MOSMO: variants seen among roughly 807,000 people sequenced by gnomAD.
MOSMO encodes the protein modulator of smoothened protein.
In MOSMO, 5 loss-of-function variants were observed where a neutral mutation model predicts 18.4. The ratio of observed to expected loss-of-function variants is 0.27; its 90% CI spans 0.14 to 0.57. The LOEUF (loss-of-function observed/expected upper bound fraction) is 0.57. Among genes scored for constraint, MOSMO ranks in the 20% least tolerant of loss-of-function variants. MOSMO has a pLI of 0.92. For missense variants in MOSMO, 138 were observed against 211.8 expected (o/e 0.65, Z 2.16); for synonymous variants, 82 against 82.3 (o/e 1.00, Z 0.02).
chr16:22,081,061 A>T lies in MOSMO; in HGVS notation c.*181A>T, dbSNP rs1263815264. 5 of 258,980 alleles carry T rather than the reference A, an allele frequency of 1.9e-5. No individual in the cohort carries two copies. The highest frequency in any genetic ancestry group is 6.1e-5 in the East Asian group (1 of 16,412). The allele number at this position is 258,980 out of a possible 1,614,324, so 16.0% of individuals were successfully genotyped here. On this transcript the variant is annotated 3_prime_UTR_variant, in exon 3 of 3. Transcript: ENST00000542527. ...GGTTTGTTCTCACTATGCACTTTGG[A>T]TTTAAAAAAAAAAAAAAAAAGGAGA...
intron 1 of MOSMO, among the ~76,000 whole-genome samples, chr16:22,028,960 C>T (rs906453281): frequency 3.3e-5 from 5 of 152,244 alleles, no homozygotes; most frequent in Admixed American, 1.3e-4. Context: ...CAACCTCCAC[C>T]TCCCAGGTTC....
chr16:22,038,356 T>A (rs2142000845), intron 1 of MOSMO, among the ~76,000 whole-genome samples: 2 of 152,230 alleles, frequency 1.3e-5, no homozygotes, highest in East Asian at 3.9e-4. Flanking sequence ...GTGCAAGGGA[T>A]AGTGAGGTTA....
intron 1 of MOSMO, among the ~76,000 whole-genome samples, chr16:22,008,745 T>A (rs1597990678): frequency 7.6e-6 from 1 of 132,162 alleles, no homozygotes. Context: ...CGTTCTGGAT[T>A]AAAAAAAAAA....
chr16:22,044,400 AATTT>A (rs1351914873), intron 1 of MOSMO, among the ~76,000 whole-genome samples: 2 of 152,106 alleles, frequency 1.3e-5, no homozygotes, highest in Non-Finnish European at 1.5e-5. Flanking sequence ...TACAAGAATA[AATTT>A]ATTTAATCTT....
At chr16:22,043,775 AC>A (rs1181567492) in intron 1 of MOSMO, among the ~76,000 whole-genome samples, 4 of 152,296 alleles carry the variant, frequency 2.6e-5, no homozygotes, top group African/African-American at 9.6e-5. Flanking sequence ...AATCGTAGAG[AC>A]TTGCCTTAAA....
chr16:22,028,318 T>C (rs1268918912), intron 1 of MOSMO, among the ~76,000 whole-genome samples: 1 of 151,898 alleles, frequency 6.6e-6, no homozygotes, highest in Non-Finnish European at 1.5e-5. Flanking sequence ...TTCAGCAATA[T>C]GGATAGGGCT....
At chr16:22,028,446 G>A (rs1252693885) in intron 1 of MOSMO, among the ~76,000 whole-genome samples, 1 of 151,300 alleles carries the variant, frequency 6.6e-6, no homozygotes, top group Non-Finnish European at 1.5e-5. Flanking sequence ...CAGTTCAGTG[G>A]CATTAAGTTT....
At chr16:22,016,899 G>T (rs1408282206) in intron 1 of MOSMO, among the ~76,000 whole-genome samples, 3 of 152,178 alleles carry the variant, frequency 2.0e-5, no homozygotes, top group Non-Finnish European at 4.4e-5. Context: ...TTAGTTCAGA[G>T]GTTAGTTTTA....
intron 1 of MOSMO, among the ~76,000 whole-genome samples, chr16:22,044,939 A>G (rs572135973): frequency 1.3e-5 from 2 of 152,066 alleles, no homozygotes; most frequent in East Asian, 3.9e-4. Context: ...ACTTTGGGAG[A>G]CCAGGGTGGG....
chr16:22,062,484 G>A lies in MOSMO; in HGVS notation c.107-13003G>A, dbSNP rs940887414. On this transcript the variant is annotated intron_variant, in intron 1 of 2. Transcript: ENST00000542527. ...ACCACAGGTGCACATCACGATGCCC[G>A]GCTGATTTTTTTAGTTTTTGTAGAG... is the stretch of plus-strand genomic sequence containing the variant. 7.2e-5 allele frequency among the ~76,000 whole-genome samples: 11 copies of A among 151,842 alleles called. No homozygotes were observed. The East Asian group carries it at 7.7e-4, about 11-fold the overall frequency.
At position 22,008,327 on chromosome 16, in the gene MOSMO, GA is replaced by G. The variant is rs751264997; in HGVS notation, c.27del (p.Cys10ValfsTer70). Reference sequence around the variant, plus strand: ...ATGGATAAACTGACCATCATCTCAGGATGTCTCTTTCTGGCCGCCGATATCT... The same window carrying G: ...ATGGATAAACTGACCATCATCTCAGGTGTCTCTTTCTGGCCGCCGATATCT... MDKLTIIS[G>X]CLFLAADIFA... On this transcript the variant is annotated frameshift_variant, in exon 1 of 3. Coordinates refer to ENST00000542527, the MANE Select transcript of MOSMO (RefSeq NM_001164579.2). LOFTEE classifies it high-confidence loss of function. The G allele has an allele frequency of 3.3e-5, 50 of 1,498,702 alleles. No homozygotes were observed. In the East Asian group the frequency reaches 1.2e-3, roughly 36 times the overall value. The allele number at this position is 1,498,702 out of a possible 1,614,324, so 92.8% of individuals were successfully genotyped here.
chr16:22,008,665 G>A (rs1899446357), intron 1 of MOSMO, among the ~76,000 whole-genome samples: 1 of 152,026 alleles, frequency 6.6e-6, no homozygotes, highest in Admixed American at 6.5e-5. Flanking sequence ...CCTGGGCTGG[G>A]CTGGCAAGTC....
At chr16:22,046,085 TTC>T (rs1451776062) in intron 1 of MOSMO, among the ~76,000 whole-genome samples, 1 of 139,028 alleles carries the variant, frequency 7.2e-6, no homozygotes, top group Non-Finnish European at 1.5e-5. Flanking sequence ...TGTCCATGTG[TTC>T]TCATTGTTCA....
At chr16:22,054,011 C>T (rs1208411323) in intron 1 of MOSMO, among the ~76,000 whole-genome samples, 2 of 152,094 alleles carry the variant, frequency 1.3e-5, no homozygotes, top group African/African-American at 4.8e-5. Context: ...CGAGAGACAG[C>T]TGGGGAAATT....
intron 1 of MOSMO, among the ~76,000 whole-genome samples, chr16:22,040,930 C>T (rs1202329346): frequency 1.3e-5 from 2 of 152,122 alleles, no homozygotes; most frequent in Non-Finnish European, 2.9e-5. Context: ...CGCTACTGCA[C>T]TCCAGCCTGG....
intron 1 of MOSMO, among the ~76,000 whole-genome samples, chr16:22,031,338 A>G (rs1458909081): frequency 2.0e-5 from 3 of 152,352 alleles, no homozygotes; most frequent in South Asian, 2.1e-4. Flanking sequence ...ATAATGAAAT[A>G]TAATTCCACT....
chr16:22,037,470 C>G (rs1900130259), intron 1 of MOSMO, among the ~76,000 whole-genome samples: 1 of 152,152 alleles, frequency 6.6e-6, no homozygotes, highest in African/African-American at 2.4e-5. Flanking sequence ...AATTCTACGG[C>G]AAGTATCAGC....
At chr16:22,021,207 T>C (rs1311343384) in intron 1 of MOSMO, among the ~76,000 whole-genome samples, 1 of 152,208 alleles carries the variant, frequency 6.6e-6, no homozygotes, top group African/African-American at 2.4e-5. Context: ...TGGTTACTGC[T>C]CGTTGAGGGG....
At chr16:22,076,402 C>T (rs1179949825) in intron 2 of MOSMO, 1 of 152,184 alleles carries the variant, frequency 6.6e-6, no homozygotes, top group East Asian at 1.9e-4. Context: ...TTAACAATAT[C>T]TGAAAACATT....
Sources: allele counts gnomAD v4.1 joint callset (sites outside exome capture counted in the v4.1 genomes callset), GRCh38; gene constraint gnomAD v4.1.1; transcripts MANE v1.5; gene names NCBI Gene and HGNC (gene_info 2026-07-23, HGNC 2026-07-21).